The following CNTNAP2 variants were observed in gnomAD, a reference collection of about 807,000 sequenced individuals.
CNTNAP2 encodes contactin-associated protein-like 2.
In CNTNAP2, 98 loss-of-function variants were observed where a neutral mutation model predicts 155.2. That is an observed-to-expected ratio of 0.63 (90% CI 0.54 to 0.75). CNTNAP2 has a LOEUF of 0.75. CNTNAP2 is among the 30% of genes least tolerant of loss of function. The pLI is 0.00. For synonymous variants in CNTNAP2, 651 were observed against 631.2 expected, an observed-to-expected ratio of 1.03 and a Z score of -0.47; for missense variants, 1,727 against 1,688.1, an observed-to-expected ratio of 1.02 and a Z score of -0.40.
intron 17 of CNTNAP2, among the ~76,000 whole-genome samples, chr7:148,158,646 G>A (rs947464785): frequency 2.0e-5 from 3 of 151,994 alleles, no homozygotes; most frequent in Non-Finnish European, 2.9e-5. Flanking sequence ...GAAACTTTAC[G>A]GTGAACATTC....
intron 20 of CNTNAP2, among the ~76,000 whole-genome samples, chr7:148,258,894 G>A (rs907315804): frequency 2.4e-4 from 36 of 151,746 alleles, no homozygotes; most frequent in Admixed American, 2.3e-3. Flanking sequence ...AATTAGCCAG[G>A]CAGCCAGGCA....
chr7:147,267,143 C>T lies in CNTNAP2; in HGVS notation c.1349-32998C>T, dbSNP rs143449645. 1.6e-3 allele frequency among the ~76,000 whole-genome samples: 243 copies of T among 152,266 alleles called. 4 individuals are homozygous for T. Among genetic ancestry groups the T allele is most frequent in the African/African-American group, 5.5e-3 (229 of 41,546 alleles). ...GAGACAAAGGGTGAACACAAAAAGT[C>T]ATTTAGAATAAATGTATGTCATATG... On this transcript the variant is annotated intron_variant, in intron 8 of 23. Transcript: ENST00000361727.
At chr7:147,700,367 C>A (rs972771057) in intron 13 of CNTNAP2, among the ~76,000 whole-genome samples, 1 of 152,126 alleles carries the variant, frequency 6.6e-6, no homozygotes, top group Non-Finnish European at 1.5e-5. Context: ...CATGGAGGCC[C>A]ACAGTCATAG....
intron 3 of CNTNAP2, among the ~76,000 whole-genome samples, chr7:146,894,261 G>A (rs1012742817): frequency 6.6e-6 from 1 of 152,162 alleles, no homozygotes; most frequent in Non-Finnish European, 1.5e-5. Context: ...AAATATTTCA[G>A]TGTTTTAGGA....
chr7:146,683,146 G>A (rs1800534581), intron 1 of CNTNAP2, among the ~76,000 whole-genome samples: 1 of 152,098 alleles, frequency 6.6e-6, no homozygotes, highest in African/African-American at 2.4e-5. Flanking sequence ...TGATTCTCTT[G>A]CCTCAGCTTT....
chr7:148,283,157 TA>T (rs66532517), intron 21 of CNTNAP2, among the ~76,000 whole-genome samples: 53,585 of 146,050 alleles, frequency 0.37, 10,573 homozygotes, highest in East Asian at 0.59. Context: ...GAGAATTGCT[TA>T]AACCCAGGAG....
At chr7:146,692,549 G>A (rs930595520) in intron 1 of CNTNAP2, among the ~76,000 whole-genome samples, 1 of 152,130 alleles carries the variant, frequency 6.6e-6, no homozygotes, top group African/African-American at 2.4e-5. Flanking sequence ...TAGAAAGGAT[G>A]AAAATGACCA....
At position 147,532,097 on chromosome 7, in the gene CNTNAP2, A is replaced by G. The variant is rs1008713331; in HGVS notation, c.1778-30041A>G. 2.0e-4 allele frequency among the ~76,000 whole-genome samples: 31 copies of G among 152,112 alleles called. 1 individual carries two copies. The highest frequency in any genetic ancestry group is 6.5e-4 in the Admixed American group (10 of 15,282). ...GCTGGGATTACAGGCATGAGCCACC[A>G]TGCCCGGCCAGGTTTTTCTTTTCTA... On this transcript the variant is annotated intron_variant, in intron 11 of 23. Coordinates refer to ENST00000361727, the MANE Select transcript of CNTNAP2 (RefSeq NM_014141.6).
At chr7:147,922,719 G>C (rs1800306301) in intron 14 of CNTNAP2, among the ~76,000 whole-genome samples, 1 of 152,158 alleles carries the variant, frequency 6.6e-6, no homozygotes, top group African/African-American at 2.4e-5. Context: ...TCTAGGAGTA[G>C]TTTAGACCAT....
At chr7:147,002,390 G>C (rs143804479) in intron 3 of CNTNAP2, among the ~76,000 whole-genome samples, 1 of 152,004 alleles carries the variant, frequency 6.6e-6, no homozygotes, top group African/African-American at 2.4e-5. Flanking sequence ...TTCCAACAGC[G>C]ATACTGGAAG....
intron 1 of CNTNAP2, among the ~76,000 whole-genome samples, chr7:146,722,336 G>T (rs962972122): frequency 2.0e-5 from 3 of 152,086 alleles, no homozygotes; most frequent in African/African-American, 7.2e-5. Flanking sequence ...CTTGGCCTAG[G>T]ACTTCCAGAC....
At chr7:146,959,144 C>A (rs1170941468) in intron 3 of CNTNAP2, among the ~76,000 whole-genome samples, 2 of 151,914 alleles carry the variant, frequency 1.3e-5, no homozygotes, top group African/African-American at 4.8e-5. Context: ...CTCAGCCTGC[C>A]GAGTAACTGG....
chr7:148,230,343 G>A (rs769201294), intron 20 of CNTNAP2, among the ~76,000 whole-genome samples: 20 of 152,236 alleles, frequency 1.3e-4, no homozygotes, highest in East Asian at 7.7e-4. Flanking sequence ...GTTCATTGAC[G>A]ACCCCGGCCC....
At chr7:146,143,554 A>C (rs1797911676) in intron 1 of CNTNAP2, among the ~76,000 whole-genome samples, 1 of 152,076 alleles carries the variant, frequency 6.6e-6, no homozygotes, top group Non-Finnish European at 1.5e-5. Flanking sequence ...AAAATGTTGA[A>C]ATTCTTTTCA....
Position 146,550,416 on chromosome 7 carries a change from T to TTTTTG in CNTNAP2, c.98-223851_98-223850insGTTTT, listed in dbSNP as rs1554447388. On this transcript the variant is annotated intron_variant, in intron 1 of 23. Transcript: ENST00000361727. ...CCATTAATCTGTTTTTTTTTTTTTT[T>TTTTTG]TTTTTTTTTTTTTATAAAGTACCCG... Among the ~76,000 whole-genome samples, 14 of 87,124 alleles carry TTTTTG rather than the reference T, an allele frequency of 1.6e-4. No individual in the cohort carries two copies. In the South Asian group the frequency reaches 4.4e-3, roughly 28 times the overall value. The allele number at this position is 87,124 out of a possible 152,430, so 57.2% of individuals were successfully genotyped here.
At chr7:147,830,917 G>T (rs1260202007) in intron 13 of CNTNAP2, among the ~76,000 whole-genome samples, 1 of 152,144 alleles carries the variant, frequency 6.6e-6, no homozygotes, top group Admixed American at 6.6e-5. Flanking sequence ...TCCTCTCAAA[G>T]AATTAAATTT....
intron 10 of CNTNAP2, among the ~76,000 whole-genome samples, chr7:147,462,339 G>T (rs1314094523): frequency 2.0e-5 from 3 of 152,198 alleles, no homozygotes; most frequent in African/African-American, 7.2e-5. Flanking sequence ...ATAATAGGCA[G>T]CCAATAAATA....
At chr7:146,350,712 A>G (rs1198405430) in intron 1 of CNTNAP2, among the ~76,000 whole-genome samples, 2 of 152,116 alleles carry the variant, frequency 1.3e-5, no homozygotes. Context: ...TCATGCTGCT[A>G]TAAAGACACA....
chr7:146,220,090 A>T (rs1027316574), intron 1 of CNTNAP2, among the ~76,000 whole-genome samples: 1 of 152,124 alleles, frequency 6.6e-6, no homozygotes, highest in African/African-American at 2.4e-5. Flanking sequence ...ATCCCAATAC[A>T]TCATACCATT....
Sources: gnomAD v4.1 joint callset for allele counts (sites outside exome capture counted in the v4.1 genomes callset) on GRCh38, gnomAD v4.1.1 for gene constraint, MANE v1.5 for transcripts, NCBI Gene and HGNC (gene_info 2026-07-23, HGNC 2026-07-21) for gene names.